SDK1: variants seen among roughly 807,000 people sequenced by gnomAD.
The protein encoded by SDK1 is protein sidekick-1.
Under a neutral mutation model 245.5 loss-of-function variants are expected in SDK1, and 157 were observed. The ratio of observed to expected loss-of-function variants is 0.64; its 90% CI spans 0.56 to 0.73. SDK1 has a LOEUF of 0.73. Ranked by LOEUF, SDK1 falls within the 30% of genes least tolerant of loss-of-function variation. The pLI is 0.00. For missense variants in SDK1, 3,583 were observed against 3,002.3 expected, an observed-to-expected ratio of 1.19 and a Z score of -4.52; for synonymous variants, 1,647 against 1,278.5, an observed-to-expected ratio of 1.29 and a Z score of -6.15.
chr7:3,390,743 T>A (rs1781729939), intron 1 of SDK1, among the ~76,000 whole-genome samples: 1 of 151,968 alleles, frequency 6.6e-6, no homozygotes, highest in South Asian at 2.1e-4. Flanking sequence ...AGGAGAGAGG[T>A]GGAACAAATT....
intron 16 of SDK1, among the ~76,000 whole-genome samples, chr7:4,014,873 C>T (rs1156334519): frequency 6.6e-6 from 1 of 152,110 alleles, no homozygotes; most frequent in African/African-American, 2.4e-5. Flanking sequence ...GCACCCGGAG[C>T]CACTGGTCAG....
intron 1 of SDK1, among the ~76,000 whole-genome samples, chr7:3,562,012 T>C (rs373226581): frequency 1.3e-5 from 2 of 152,224 alleles, no homozygotes; most frequent in Non-Finnish European, 2.9e-5. Context: ...TAAGCATTCA[T>C]AAATATTTTA....
At chr7:3,821,281 C>A (rs78854802) in intron 4 of SDK1, among the ~76,000 whole-genome samples, 169 bp from the exon 5 acceptor site, 5,244 of 152,300 alleles carry the variant, frequency 0.034, 318 homozygotes, top group African/African-American at 0.12. Flanking sequence ...AGAAGAGGCT[C>A]TCTCTGGCGT....
chr7:3,871,665 G>T (rs935534475), intron 5 of SDK1, among the ~76,000 whole-genome samples: 1 of 152,162 alleles, frequency 6.6e-6, no homozygotes, highest in African/African-American at 2.4e-5. Flanking sequence ...GAAGCAAGTA[G>T]CGGGGAGGCG....
intron 5 of SDK1, among the ~76,000 whole-genome samples, chr7:3,919,671 A>G (rs1250899146): frequency 6.6e-6 from 1 of 152,188 alleles, no homozygotes; most frequent in Non-Finnish European, 1.5e-5. Context: ...CTGCTTTATT[A>G]ACTGACTCCA....
intron 22 of SDK1, among the ~76,000 whole-genome samples, chr7:4,108,515 C>T (rs949308317): frequency 3.3e-5 from 5 of 152,146 alleles, no homozygotes; most frequent in Non-Finnish European, 5.9e-5. Context: ...CCCTTTGCCT[C>T]TGGCTGTGCA....
chr7:4,139,567 G>GTGTGTGTGTA (rs1562871990), intron 28 of SDK1, among the ~76,000 whole-genome samples: 1 of 12,290 alleles, frequency 8.1e-5, no homozygotes, highest in African/African-American at 3.4e-4. Context: ...ATATATGTGT[G>GTGTGTGTGTA]TATATGTGTG....
At chr7:4,220,304 T>C (rs776622931) in intron 39 of SDK1, 34 bp downstream of exon 39, 25 of 1,599,104 alleles carry the variant, frequency 1.6e-5, no homozygotes, top group Non-Finnish European at 2.1e-5. Flanking sequence ...CAATGTCAAT[T>C]GCAACTTTAG....
chr7:3,897,585 TCTTTC>T (rs1350771844), intron 5 of SDK1, among the ~76,000 whole-genome samples: 1 of 152,256 alleles, frequency 6.6e-6, no homozygotes, highest in African/African-American at 2.4e-5. Flanking sequence ...CCATATTATG[TCTTTC>T]CTTTCATGTG....
chr7:3,361,239 G>A (rs1455496280), intron 1 of SDK1, among the ~76,000 whole-genome samples: 1 of 152,184 alleles, frequency 6.6e-6, no homozygotes, highest in Non-Finnish European at 1.5e-5. Flanking sequence ...CTCGCATCTG[G>A]ATAACAGAGT....
At chr7:3,713,593 GA>G (rs1304108018) in intron 4 of SDK1, among the ~76,000 whole-genome samples, 2 of 152,144 alleles carry the variant, frequency 1.3e-5, no homozygotes, top group Non-Finnish European at 2.9e-5. Context: ...TGAGAGTACA[GA>G]AAAGAGGCTT....
intron 1 of SDK1, among the ~76,000 whole-genome samples, chr7:3,373,522 T>C (rs755988376): frequency 1.4e-4 from 22 of 152,170 alleles, no homozygotes; most frequent in Admixed American, 1.1e-3. Flanking sequence ...CATCTTAACA[T>C]AGTCAAAGGT....
At chr7:3,477,243 T>G (rs1443575696) in intron 1 of SDK1, among the ~76,000 whole-genome samples, 2 of 130,962 alleles carry the variant, frequency 1.5e-5, no homozygotes, top group Non-Finnish European at 3.1e-5. Flanking sequence ...TCGCTCAGGC[T>G]GGAGTGCAGC....
rs1257722536 is a variant in SDK1 at position 4,049,358 on chromosome 7, G to GC, written c.2618dup (p.Gln874AlafsTer222). 2 of 1,613,738 alleles carry GC rather than the reference G, an allele frequency of 1.2e-6. No homozygotes were observed. The highest frequency in any genetic ancestry group is 1.7e-6 in the Non-Finnish European group (2 of 1,179,900). On this transcript the variant is annotated frameshift_variant, in exon 18 of 45. Coordinates refer to ENST00000404826, the MANE Select transcript of SDK1 (RefSeq NM_152744.4). LOFTEE classifies it high-confidence loss of function. Reference sequence around the variant, plus strand: ...ACTGCCCTGCCACAGTGCCCACCGCGCCCCCGCAGAACGTGCAGACGGAAG... The same window carrying GC: ...ACTGCCCTGCCACAGTGCCCACCGCGCCCCCCGCAGAACGTGCAGACGGAAG...
intron 14 of SDK1, among the ~76,000 whole-genome samples, chr7:3,997,164 A>C (rs1784745362): frequency 6.6e-6 from 1 of 152,068 alleles, no homozygotes; most frequent in African/African-American, 2.4e-5. Flanking sequence ...TTGTTACGGG[A>C]TCTTTGGAGT....
At chr7:3,785,605 A>G (rs908690145) in intron 4 of SDK1, among the ~76,000 whole-genome samples, 21 of 152,322 alleles carry the variant, frequency 1.4e-4, no homozygotes, top group Non-Finnish European at 2.9e-5. Context: ...TTAACAGACT[A>G]TTGGTGTAAA....
chr7:3,465,692 G>T (rs184776578), intron 1 of SDK1, among the ~76,000 whole-genome samples: 1 of 152,118 alleles, frequency 6.6e-6, no homozygotes, highest in Non-Finnish European at 1.5e-5. Flanking sequence ...TGTCACCTCC[G>T]TATATGATCA....
chr7:3,408,124 G>A (rs1409793009), intron 1 of SDK1, among the ~76,000 whole-genome samples: 1 of 151,938 alleles, frequency 6.6e-6, no homozygotes, highest in Non-Finnish European at 1.5e-5. Context: ...TGCCACATCT[G>A]CCTCCCAGGT....
intron 1 of SDK1, among the ~76,000 whole-genome samples, chr7:3,617,520 C>T (rs1419915544): frequency 1.3e-5 from 2 of 152,184 alleles, no homozygotes; most frequent in Non-Finnish European, 2.9e-5. Context: ...ACTCCGTTTT[C>T]TGCTGCTGTA....
Sources: gnomAD v4.1 joint callset for allele counts (sites outside exome capture counted in the v4.1 genomes callset) on GRCh38, gnomAD v4.1.1 for gene constraint, MANE v1.5 for transcripts, NCBI Gene and HGNC (gene_info 2026-07-23, HGNC 2026-07-21) for gene names.